The following EML5 variants were observed in gnomAD, a reference collection of about 807,000 sequenced individuals.
The protein encoded by EML5 is EMAP like 5, also known as echinoderm microtubule-associated protein-like 5.
In EML5, 120 loss-of-function variants were observed where a neutral mutation model predicts 250.0. That is an observed-to-expected ratio of 0.48 (90% confidence interval 0.41 to 0.56). The LOEUF is 0.56. Ranked by LOEUF, EML5 falls within the 20% of genes least tolerant of loss-of-function variation. The pLI, the probability that EML5 is intolerant of heterozygous loss-of-function variation, is 0.00. For synonymous variants in EML5, 771 were observed against 806.5 expected, an observed-to-expected ratio of 0.96 and a Z score of 0.75; for missense variants, 2,006 against 2,437.6, an observed-to-expected ratio of 0.82 and a Z score of 3.73.
At position 88,664,528 on chromosome 14, in the gene EML5, G is replaced by A. The variant is rs199793144; in HGVS notation, c.3374C>T (p.Thr1125Ile). 1.9e-6 allele frequency: 3 copies of A among 1,609,008 alleles called. No homozygotes were observed. The highest frequency in any genetic ancestry group is 2.2e-5 in the East Asian group (1 of 44,556). ...CCAATCAATATGGGTTATGTAACTG[G>A]TAGCTCCTTTGCATATTCCTACTCG... ...SKRVGICKGA[T>I]SYITHIDWDI... The change falls in exon 23 of 44, where the codon ACC becomes ATC. Residue 1125 changes from threonine (T) to isoleucine (I), a missense_variant. Transcript: ENST00000554922.
chr14:88,643,487 TGCA>T (rs1199391512), intron 30 of EML5, among the ~76,000 whole-genome samples: 1 of 152,232 alleles, frequency 6.6e-6, no homozygotes, highest in African/African-American at 2.4e-5. Context: ...GTTTAAAGTA[TGCA>T]GGAGAATGTG....
chr14:88,740,619 A>G, intron 4 of EML5, 47 bp from the exon 5 acceptor site: 1 of 1,472,094 alleles, frequency 6.8e-7, no homozygotes, highest in South Asian at 1.4e-5. Context: ...TTCTTATAAA[A>G]TAAAGTAAAA....
At chr14:88,682,080 TAC>T (rs753318170) in intron 20 of EML5, 49 bp from the exon 21 acceptor site, 4 of 1,451,968 alleles carry the variant, frequency 2.8e-6, no homozygotes, top group Non-Finnish European at 1.8e-6. Flanking sequence ...TGTATATTTA[TAC>T]ACAGTTTTAT....
intron 1 of EML5, among the ~76,000 whole-genome samples, chr14:88,791,082 T>TC (rs1290181896): frequency 6.6e-6 from 1 of 150,766 alleles, no homozygotes; most frequent in Non-Finnish European, 1.5e-5. Flanking sequence ...AATCTCAATT[T>TC]TGTCTTTTCT....
intron 33 of EML5, among the ~76,000 whole-genome samples, chr14:88,633,698 G>A (rs1485735910): frequency 6.6e-6 from 1 of 152,118 alleles, no homozygotes; most frequent in East Asian, 1.9e-4. Context: ...CACAAAAGCT[G>A]CCACAGAACA....
At chr14:88,693,546 G>C (rs762324877) in intron 17 of EML5, among the ~76,000 whole-genome samples, 2 of 152,210 alleles carry the variant, frequency 1.3e-5, no homozygotes, top group Non-Finnish European at 2.9e-5. Flanking sequence ...AAGTGAAGGT[G>C]AGATTTGGGT....
chr14:88,726,132 T>G (rs2093663293), intron 8 of EML5, among the ~76,000 whole-genome samples: 1 of 152,184 alleles, frequency 6.6e-6, no homozygotes, highest in Non-Finnish European at 1.5e-5. Context: ...ATGGAAGCAT[T>G]TTTTAAAGCA....
chr14:88,747,615 T>C (rs2094025674), intron 2 of EML5, among the ~76,000 whole-genome samples: 1 of 152,016 alleles, frequency 6.6e-6, no homozygotes, highest in Non-Finnish European at 1.5e-5. Context: ...GAAATAAAAT[T>C]AAGGATTCAA....
chr14:88,742,113 T>C (rs767222606), intron 4 of EML5, among the ~76,000 whole-genome samples: 4 of 152,186 alleles, frequency 2.6e-5, no homozygotes, highest in Non-Finnish European at 5.9e-5. Flanking sequence ...GGACTCCCAA[T>C]TGAGATGAAC....
intron 1 of EML5, among the ~76,000 whole-genome samples, chr14:88,779,070 T>C (rs2140737340): frequency 6.6e-6 from 1 of 152,312 alleles, no homozygotes; most frequent in South Asian, 2.1e-4. Flanking sequence ...ATGTTCAAGG[T>C]AATCACTGCT....
chr14:88,784,660 A>T (rs1172800671), intron 1 of EML5, among the ~76,000 whole-genome samples: 1 of 152,220 alleles, frequency 6.6e-6, no homozygotes, highest in African/African-American at 2.4e-5. Context: ...CCAAATCAAA[A>T]CTACAATGAG....
In EML5 at chr14:88,706,274, G is replaced by C. The variant is rs746324282; in HGVS notation, c.1810C>G (p.His604Asp). 1 of 1,607,578 alleles carries C rather than the reference G, an allele frequency of 6.2e-7. No homozygotes were observed. The highest frequency in any genetic ancestry group is 8.5e-7 in the Non-Finnish European group (1 of 1,177,398). ...TACTACTCACCTTGGGGTGCTATGT[G>C]AACAGCATCTTTCAGTTTTCTTTCA... is the stretch of plus-strand genomic sequence containing the variant. ...IPERKLKDAVHIAPQESLADS... is the reference protein window; with the variant it reads ...IPERKLKDAVDIAPQESLADS... Residue 604 changes from histidine to aspartate, a missense_variant, in exon 11 of 44, where the codon CAC becomes GAC. His to Asp is a moderately conservative substitution (Grantham distance 81, BLOSUM62 -1). Around this residue, in one of 7 missense-constraint regions of EML5, gnomAD observed 1,375 missense variants for 1,590.3 expected, o/e 0.86. Transcript: ENST00000554922.
intron 7 of EML5, among the ~76,000 whole-genome samples, chr14:88,734,491 C>A (rs1180762703): frequency 2.0e-5 from 3 of 151,176 alleles, no homozygotes; most frequent in African/African-American, 7.3e-5. Flanking sequence ...TAAGGGGCCA[C>A]AATACAAAAA....
rs1023882417 is a variant in EML5, at chr14:88,615,910, C to T, written c.5898-56G>A. On this transcript the variant is annotated intron_variant, in intron 43 of 43. Transcript: ENST00000554922. ...TAATTATGTTTTTAGATTTTCATAA[C>T]AGTTTAATATTTTTCAGTTGTGCTT... 10 of 1,561,148 alleles carry T rather than the reference C, an allele frequency of 6.4e-6. No homozygotes were observed. The Admixed American group carries it at 1.7e-4, about 26-fold the overall frequency.
chr14:88,629,366 T>A lies in EML5; in HGVS notation c.4358-1547A>T, dbSNP rs138722470. Among the ~76,000 whole-genome samples, 170 of 152,258 alleles carry A rather than the reference T, an allele frequency of 1.1e-3. 1 individual carries two copies. The highest frequency in any genetic ancestry group is 3.4e-3 in the Middle Eastern group (1 of 294). Reference sequence around the variant, plus strand: ...TATTTTTATAAAAAATTAAAGGAGATGGCAAGAAGGTGAAACCAGAATTTA... The same window carrying A: ...TATTTTTATAAAAAATTAAAGGAGAAGGCAAGAAGGTGAAACCAGAATTTA... On this transcript the variant is annotated intron_variant, in intron 33 of 43. Transcript: ENST00000554922.
chr14:88,622,243 T>C (rs1241943201), intron 37 of EML5: 1 of 179,362 alleles, frequency 5.6e-6, no homozygotes. Context: ...TATTTCATTG[T>C]TTGTTTACTG....
intron 8 of EML5, among the ~76,000 whole-genome samples, chr14:88,721,553 T>G (rs554155782): frequency 6.6e-6 from 1 of 152,282 alleles, no homozygotes; most frequent in Admixed American, 6.5e-5. Flanking sequence ...CTGGGAAAAC[T>G]GGCCAGCTAT....
intron 16 of EML5, among the ~76,000 whole-genome samples, chr14:88,695,042 G>A (rs2093045651): frequency 6.6e-6 from 1 of 151,838 alleles, no homozygotes; most frequent in African/African-American, 2.4e-5. Context: ...TATAATATAA[G>A]CATTTGAACA....
At chr14:88,710,506 A>G (rs2093387350) in intron 10 of EML5, among the ~76,000 whole-genome samples, 1 of 152,226 alleles carries the variant, frequency 6.6e-6, no homozygotes, top group African/African-American at 2.4e-5. Context: ...AAGAAAGAGT[A>G]TATTTCTAGT....
Sources: gnomAD v4.1 joint callset for allele counts (sites outside exome capture counted in the v4.1 genomes callset) on GRCh38, gnomAD v4.1.1 for gene constraint, gnomAD v4.1.1 regional missense constraint, MANE v1.5 for transcripts, NCBI Gene and HGNC (gene_info 2026-07-23, HGNC 2026-07-21) for gene names.